RALYL: variants seen among roughly 807,000 people sequenced by gnomAD.
The protein encoded by RALYL is RALY RNA binding protein like, also known as RNA-binding Raly-like protein.
Under a neutral mutation model 35.1 loss-of-function variants are expected in RALYL, and 29 were observed. The observed-to-expected ratio is 0.83, with a 90% CI of 0.61 to 1.13. The LOEUF (loss-of-function observed/expected upper bound fraction) is 1.13. Ranked by LOEUF, RALYL falls within the 50% of genes most tolerant of loss-of-function variation. The probability of loss-of-function intolerance (pLI) is 0.00; values close to 1 mark genes in which losing one functional copy is unlikely to be tolerated. For synonymous variants in RALYL, 120 were observed against 127.6 expected, an observed-to-expected ratio of 0.94 and a Z score of 0.40; for missense variants, 359 against 360.4, an observed-to-expected ratio of 1.00 and a Z score of 0.03.
At chr8:84,619,863 G>A (rs1214713709) in intron 2 of RALYL, among the ~76,000 whole-genome samples, 1 of 151,176 alleles carries the variant, frequency 6.6e-6, no homozygotes. Context: ...AGCTTAGTTT[G>A]GCTGGATATG....
At chr8:84,821,584 C>T (rs1828547549) in intron 4 of RALYL, among the ~76,000 whole-genome samples, 1 of 152,216 alleles carries the variant, frequency 6.6e-6, no homozygotes, top group Non-Finnish European at 1.5e-5. Context: ...TTTAAAGCCT[C>T]ACTTCCCAAT....
chr8:84,589,754 G>T (rs1337310728), intron 2 of RALYL, among the ~76,000 whole-genome samples: 1 of 152,298 alleles, frequency 6.6e-6, no homozygotes, highest in East Asian at 1.9e-4. Flanking sequence ...CACATTTTAA[G>T]AGAAGAGCAA....
intron 2 of RALYL, among the ~76,000 whole-genome samples, chr8:84,715,218 A>G (rs1011055060): frequency 6.6e-6 from 1 of 151,956 alleles, no homozygotes; most frequent in African/African-American, 2.4e-5. Context: ...TTGAATGTTT[A>G]CCATATGTCA....
intron 5 of RALYL, among the ~76,000 whole-genome samples, chr8:84,858,641 A>C (rs1456586323): frequency 6.6e-6 from 1 of 152,186 alleles, no homozygotes; most frequent in Non-Finnish European, 1.5e-5. Context: ...ACTATTTGCC[A>C]ATCTAATATT....
intron 6 of RALYL, among the ~76,000 whole-genome samples, 156 bp downstream of exon 6, chr8:84,862,609 T>C (rs139461127): frequency 1.3e-3 from 197 of 152,342 alleles, no homozygotes; most frequent in African/African-American, 4.6e-3. Flanking sequence ...AAATGGTCTC[T>C]GCTTTCCACC....
intron 2 of RALYL, among the ~76,000 whole-genome samples, chr8:84,737,849 A>G (rs1468166345): frequency 2.0e-5 from 3 of 151,990 alleles, no homozygotes; most frequent in African/African-American, 7.2e-5. Context: ...TCTATGAGCC[A>G]GGAAGCATGC....
chr8:84,252,753 T>A (rs1830448617), intron 1 of RALYL, among the ~76,000 whole-genome samples: 1 of 152,110 alleles, frequency 6.6e-6, no homozygotes, highest in South Asian at 2.1e-4. Flanking sequence ...AAAAAATCCC[T>A]GAAATAGGCC....
chr8:84,842,375 G>A (rs1030204830), intron 4 of RALYL, among the ~76,000 whole-genome samples: 6 of 152,098 alleles, frequency 3.9e-5, no homozygotes, highest in African/African-American at 1.2e-4. Flanking sequence ...TAGAAGAAAC[G>A]GATAAATTCC....
rs549373754 is a variant in RALYL at position 84,469,875 on chromosome 8, G to A, written c.-23-59424G>A. ...TTTTTAAGCCCGTCGGAAAAGCGCAGTATTCGGGTGGGAGTGACCCGATTT... is the reference window on the plus strand; with the variant it reads ...TTTTTAAGCCCGTCGGAAAAGCGCAATATTCGGGTGGGAGTGACCCGATTT... On this transcript the variant is annotated intron_variant, in intron 1 of 8. Transcript: ENST00000521268. 1.7e-4 allele frequency among the ~76,000 whole-genome samples: 26 copies of A among 152,304 alleles called. No homozygotes were observed. In the South Asian group the frequency reaches 4.1e-3, roughly 24 times the overall value.
intron 1 of RALYL, among the ~76,000 whole-genome samples, chr8:84,211,894 G>A (rs10958213): frequency 0.26 from 39,657 of 151,844 alleles, 5,360 homozygotes; most frequent in African/African-American, 0.31. Context: ...AATTTATTTG[G>A]TACTTGTATA....
intron 1 of RALYL, among the ~76,000 whole-genome samples, chr8:84,455,744 T>A (rs2050066634): frequency 6.6e-6 from 1 of 152,046 alleles, no homozygotes. Flanking sequence ...GATCTCTAGA[T>A]TAACTGGGCT....
intron 2 of RALYL, among the ~76,000 whole-genome samples, chr8:84,725,431 G>C (rs1844767553): frequency 6.6e-6 from 1 of 151,706 alleles, no homozygotes; most frequent in African/African-American, 2.4e-5. Context: ...GTATTAAACA[G>C]TAACTTTGAT....
At chr8:84,369,194 G>C (rs972939244) in intron 1 of RALYL, among the ~76,000 whole-genome samples, 4 of 152,102 alleles carry the variant, frequency 2.6e-5, no homozygotes. Flanking sequence ...ACAGTGGAGA[G>C]CAGCCCTGAT....
chr8:84,600,013 T>G (rs1286716090), intron 2 of RALYL, among the ~76,000 whole-genome samples: 1 of 151,732 alleles, frequency 6.6e-6, no homozygotes, highest in Non-Finnish European at 1.5e-5. Context: ...TTGAATCTAA[T>G]TTTTATGTTG....
intron 1 of RALYL, among the ~76,000 whole-genome samples, chr8:84,516,645 A>G (rs2058088361): frequency 6.6e-6 from 1 of 152,210 alleles, no homozygotes; most frequent in Non-Finnish European, 1.5e-5. Context: ...AAATATAAGC[A>G]GGAGACTTCA....
intron 2 of RALYL, among the ~76,000 whole-genome samples, chr8:84,638,099 A>T (rs1029968373): frequency 6.6e-6 from 1 of 151,994 alleles, no homozygotes; most frequent in East Asian, 1.9e-4. Flanking sequence ...AATTGAAATC[A>T]TATCAAGTAC....
intron 1 of RALYL, among the ~76,000 whole-genome samples, chr8:84,434,464 C>G (rs1414379613): frequency 6.6e-6 from 1 of 152,094 alleles, no homozygotes. Context: ...TATGAGGTGA[C>G]AGATACATGA....
chr8:84,237,525 A>G (rs183896725), intron 1 of RALYL, among the ~76,000 whole-genome samples: 3 of 152,100 alleles, frequency 2.0e-5, no homozygotes, highest in Non-Finnish European at 2.9e-5. Context: ...TCTGGAAATA[A>G]TTTTTTTAAA....
intron 3 of RALYL, among the ~76,000 whole-genome samples, chr8:84,790,502 A>G (rs1328146970): frequency 6.6e-6 from 1 of 152,168 alleles, no homozygotes; most frequent in African/African-American, 2.4e-5. Context: ...AAAGATTCTT[A>G]ATGGATCTGG....
Sources: allele counts gnomAD v4.1 joint callset (sites outside exome capture counted in the v4.1 genomes callset), GRCh38; gene constraint gnomAD v4.1.1; transcripts MANE v1.5; gene names NCBI Gene and HGNC (gene_info 2026-07-23, HGNC 2026-07-21).